MED12: variants seen among roughly 807,000 people sequenced by gnomAD.
MED12 encodes mediator of RNA polymerase II transcription subunit 12.
In MED12, 10 loss-of-function variants were observed where a neutral mutation model predicts 177.7. The observed-to-expected ratio is 0.06, with a 90% CI of 0.03 to 0.10. The LOEUF is 0.10. Ranked by LOEUF, MED12 falls within the 10% of genes least tolerant of loss-of-function variation. The probability of loss-of-function intolerance (pLI) is 1.00; values close to 1 mark genes in which losing one functional copy is unlikely to be tolerated. For synonymous variants in MED12, 641 were observed against 678.4 expected, an observed-to-expected ratio of 0.94 and a Z score of 0.86; for missense variants, 867 against 1,780.8, an observed-to-expected ratio of 0.49 and a Z score of 9.23.
Position 71,118,804 on chromosome X carries a change from C to A in MED12, c.50C>A (p.Pro17Gln). 1 of 1,209,464 alleles carries A rather than the reference C, an allele frequency of 8.3e-7. No homozygotes were observed. The highest frequency in any genetic ancestry group is 1.1e-6 in the Non-Finnish European group (1 of 894,928). The part of the protein sequence containing the change: ...LSYEHRPLKR[P>Q]RLGPPDVYPQ... ...TACGAACACCGGCCCCTGAAGCGGC[C>A]GCGGCTGGGGCCTCCCGATGTTTAC... The change falls in exon 1 of 45, where the codon CCG (proline) becomes CAG (glutamine). Residue 17 changes from proline to glutamine, a missense_variant. By Grantham distance (76) the Pro-to-Gln change is moderately conservative (BLOSUM62 -1). This residue lies in a region of MED12 where 42 missense variants were observed against 129.6 expected (regional missense o/e 0.32). Coordinates refer to ENST00000374080, the MANE Select transcript of MED12 (RefSeq NM_005120.3).
chrX:71,141,867 TC>T lies in MED12; in HGVS notation c.6409-14del, dbSNP rs1227306806. 1 of 1,204,716 alleles carries T rather than the reference TC, an allele frequency of 8.3e-7. No individual in the cohort carries two copies. The highest frequency in any genetic ancestry group is 1.7e-5 in the African/African-American group (1 of 57,354). ...AAAAGTTCGACTTCAGTCTTCCACT[TC>T]CTATTTCCACCCAGTTCCAGCGCCA... On this transcript the variant is annotated splice_polypyrimidine_tract_variant and intron_variant, in intron 43 of 44. Transcript: ENST00000374080.
At chrX:71,131,749 G>A (rs865874298) in intron 29 of MED12, 128 bp downstream of exon 29, 21 of 656,786 alleles carry the variant, frequency 3.2e-5, no homozygotes, top group Middle Eastern at 7.2e-4. Flanking sequence ...GAGGGGATGG[G>A]AAAATGGTGA....
Position 71,142,250 on chromosome X carries a change from G to A in MED12, c.*32G>A. The A allele has an allele frequency of 8.4e-7, 1 of 1,197,241 alleles. No homozygotes were observed. The highest frequency in any genetic ancestry group is 1.8e-5 in the South Asian group (1 of 56,664). On this transcript the variant is annotated 3_prime_UTR_variant, in exon 45 of 45. Transcript: ENST00000374080. ...TGGAGGAACTGCTTGTGCACTGGAT[G>A]TGGCCCCACCCTTTCCTCTTAATTC... is the stretch of plus-strand genomic sequence containing the variant.
intron 21 of MED12, 194 bp downstream of exon 21, chrX:71,127,661 C>T (rs966577205): frequency 4.2e-6 from 2 of 481,246 alleles, no homozygotes; most frequent in Non-Finnish European, 7.2e-6. Context: ...CCGCCTATAT[C>T]TGTGGGGCCC....
chrX:71,129,496 G>C, intron 26 of MED12, 67 bp downstream of exon 26: 4 of 963,686 alleles, frequency 4.2e-6, no homozygotes, highest in Non-Finnish European at 4.4e-6. Flanking sequence ...AAACTACAAG[G>C]GACAGTCTTT....
chrX:71,119,193 C>A (rs1379294586), intron 1 of MED12, 180 bp from the exon 2 acceptor site: 1 of 475,321 alleles, frequency 2.1e-6, no homozygotes, highest in Non-Finnish European at 3.8e-6. Flanking sequence ...TCCTAGTGAC[C>A]ATGGGAGTGA....
At position 71,141,301 on chromosome X, in the gene MED12, A is replaced by ACAGCAACACCAG. The variant is rs398124200; in HGVS notation, c.6348_6359dup (p.His2116_Gln2119dup). Reference sequence around the variant, plus strand: ...AACAGCAGCAGCAGCAACAGCAACAACAGCAACACCAGCAGCAACAGCAGC... The same window carrying ACAGCAACACCAG: ...AACAGCAGCAGCAGCAACAGCAACAACAGCAACACCAGCAGCAACACCAGCAGCAACAGCAGC... On this transcript the variant is annotated inframe_insertion, in exon 43 of 45. Coordinates refer to ENST00000374080, the MANE Select transcript of MED12 (RefSeq NM_005120.3). The ACAGCAACACCAG allele has an allele frequency of 0.026, 29,968 of 1,163,774 alleles. 382 individuals are homozygous for ACAGCAACACCAG. Among genetic ancestry groups the ACAGCAACACCAG allele is most frequent in the Middle Eastern group, 0.057 (244 of 4,293 alleles).
At position 71,128,085 on chromosome X, in the gene MED12, T is replaced by C. The variant is rs2092307730; in HGVS notation, c.3174T>C (p.Leu1058=). 8.3e-7 allele frequency: 1 copy of C among 1,210,950 alleles called. No individual in the cohort carries two copies. Among genetic ancestry groups the C allele is most frequent in the South Asian group, 1.8e-5 (1 of 56,954 alleles). Residue 1058 remains leucine (L), a synonymous_variant, in exon 22 of 45, where the codon CTT becomes CTC. Coordinates refer to ENST00000374080, the MANE Select transcript of MED12 (RefSeq NM_005120.3). ...ANRYSFVCNA[L]MHVCVGHHDP... is the part of the protein sequence containing the mutation. Reference sequence around the variant, plus strand: ...GCTACAGCTTTGTCTGCAATGCCCTTATGCACGTCTGTGTGGGGCACCATG... The same window carrying C: ...GCTACAGCTTTGTCTGCAATGCCCTCATGCACGTCTGTGTGGGGCACCATG...
chrX:71,136,172 A>G, intron 36 of MED12, 109 bp from the exon 37 acceptor site: 4 of 936,188 alleles, frequency 4.3e-6, no homozygotes, highest in South Asian at 2.0e-5. Context: ...GCTTCTTACC[A>G]TCTCTCCTGA....
Position 71,124,756 on chromosome X carries a change from G to A in MED12, c.1975-8G>A. On this transcript the variant is annotated splice_region_variant and splice_polypyrimidine_tract_variant and intron_variant, in intron 13 of 44. Coordinates refer to ENST00000374080, the MANE Select transcript of MED12 (RefSeq NM_005120.3). ...TAAAGCAACTTCGCTTATGTTCTAT[G>A]CCCTCAGGATCCAGGGCTCTCAGAA... is the stretch of plus-strand genomic sequence containing the variant. 8.3e-7 allele frequency: 1 copy of A among 1,203,698 alleles called. No homozygotes were observed. Among genetic ancestry groups the A allele is most frequent in the Non-Finnish European group, 1.1e-6 (1 of 888,667 alleles).
rs749926584 is a variant in MED12 at position 71,127,965 on chromosome X, A to C, written c.3054A>C (p.Ala1018=). ...VEPSESNMRW[A]PEFMIDTLEN... is the part of the protein sequence containing the mutation. ...CATCGGAATCAAATATGCGCTGGGC[A>C]CCTGAGTTCATGATCGACACTCTAG... The change falls in exon 22 of 45, where the codon GCA becomes GCC. Residue 1018 remains alanine, a synonymous_variant. Transcript: ENST00000374080. The C allele has an allele frequency of 8.3e-7, 1 of 1,211,129 alleles. No individual in the cohort carries two copies. The highest frequency in any genetic ancestry group is 2.2e-5 in the Admixed American group (1 of 45,991).
chrX:71,134,230 C>CAAA (rs35646519), intron 33 of MED12, 127 bp from the exon 34 acceptor site: 5,141 of 286,522 alleles, frequency 0.018, 2 homozygotes, highest in Middle Eastern at 0.026. Flanking sequence ...GACTCCGTCT[C>CAAA]AAAAAAAAAA....
chrX:71,126,629 C>G, intron 19 of MED12, 145 bp downstream of exon 19: 1 of 779,964 alleles, frequency 1.3e-6, no homozygotes, highest in Non-Finnish European at 1.9e-6. Flanking sequence ...GGGAGTGGAA[C>G]ATGAGCTAAG....
intron 10 of MED12, 108 bp from the exon 11 acceptor site, chrX:71,122,987 T>C: frequency 8.6e-7 from 1 of 1,159,515 alleles, no homozygotes. Context: ...GAAATGATCT[T>C]ACTGGGCCCA....
At chrX:71,123,869 CTT>C in intron 12 of MED12, 149 bp downstream of exon 12, 1 of 625,388 alleles carries the variant, frequency 1.6e-6, no homozygotes, top group Non-Finnish European at 2.5e-6. Context: ...TAGTGATCCT[CTT>C]TAACTGGTCA....
At chrX:71,125,631 G>A (rs1232192765) in intron 16 of MED12, 32 bp from the exon 17 acceptor site, 1 of 1,188,009 alleles carries the variant, frequency 8.4e-7, no homozygotes, top group Admixed American at 2.2e-5. Context: ...TAGTCCTTTT[G>A]AAACTTCCCC....
rs764620745 is a variant in MED12 at position 71,141,939 on chromosome X, C to T, written c.6465C>T (p.Val2155=). Residue 2155 remains valine, a synonymous_variant, in exon 44 of 45, where the codon GTC becomes GTT. Transcript: ENST00000374080. ...AGCAGCAACAGACAGCAGCTTTGGT[C>T]CGGCAACTTCAACAACAGCTCTCTA... ...TQQQQQTAAL[V]RQLQQQLSNT... is the part of the protein sequence containing the mutation. 4.1e-6 allele frequency: 5 copies of T among 1,209,636 alleles called. No homozygotes were observed. In the African/African-American group the frequency reaches 8.8e-5, roughly 21 times the overall value.
Position 71,128,102 on chromosome X carries a change from G to A in MED12, c.3191G>A (p.Gly1064Glu), listed in dbSNP as rs752512200. 8.3e-7 allele frequency: 1 copy of A among 1,210,314 alleles called. No homozygotes were observed. The highest frequency in any genetic ancestry group is 1.8e-5 in the South Asian group (1 of 56,974). ...VCNALMHVCV[G>E]HHDPDRVNDI... ...AATGCCCTTATGCACGTCTGTGTGG[G>A]GCACCATGATCCCGATAGGTATGGG... is the stretch of plus-strand genomic sequence containing the variant. The change falls in exon 22 of 45, where the codon GGG becomes GAG. Residue 1064 changes from glycine to glutamate, a missense_variant. Physicochemically the swap from Gly to Glu is moderately conservative, Grantham distance 98. Transcript: ENST00000374080.
In MED12 at chrX:71,128,333, G is replaced by A. The variant is rs1474605735; in HGVS notation, c.3247G>A (p.Gly1083Ser). 5 of 1,209,869 alleles carry A rather than the reference G, an allele frequency of 4.1e-6. No individual in the cohort carries two copies. The highest frequency in any genetic ancestry group is 3.0e-5 in the East Asian group (1 of 33,799). ...DIAILCAELT[G>S]YCKSLSAEWL... ...CGCAATCCTGTGTGCAGAGCTGACC[G>A]GCTATTGCAAGTCACTGAGTGCAGA... The change falls in exon 23 of 45, where the codon GGC becomes AGC. Residue 1083 changes from glycine to serine, a missense_variant. By Grantham distance (56) the Gly-to-Ser change is moderately conservative. Transcript: ENST00000374080.
Sources: allele counts gnomAD v4.1 joint callset, GRCh38; gene constraint gnomAD v4.1.1; regional missense constraint gnomAD v4.1.1; transcripts MANE v1.5; gene names NCBI Gene and HGNC (gene_info 2026-07-23, HGNC 2026-07-21).